Variants in RANBP1 observed in about 807,000 individuals in gnomAD.
The protein encoded by RANBP1 is RAN binding protein 1.
A neutral mutation model predicts 31.4 loss-of-function variants in RANBP1; 16 were observed. That is an observed-to-expected ratio of 0.51 (90% CI 0.34 to 0.77). RANBP1 has a LOEUF of 0.77. Among genes scored for constraint, RANBP1 ranks in the 30% least tolerant of loss-of-function variants. The pLI is 0.01. For missense variants in RANBP1, 265 were observed against 362.0 expected (o/e 0.73, Z 2.17); for synonymous variants, 129 against 140.5 (o/e 0.92, Z 0.58).
In RANBP1 at chr22:20,120,799, A is replaced by G. The variant is rs537383248; in HGVS notation, c.384-1465A>G. The stretch of plus-strand genomic sequence containing the variant: ...AATGCTGGGATTACAGGTGTGAGCC[A>G]CCGCGTCCGGTCATCTAATTCTCTT... On this transcript the variant is annotated intron_variant, in intron 2 of 5. Transcript: ENST00000430524. Among the ~76,000 whole-genome samples, 3 of 151,994 alleles carry G rather than the reference A, an allele frequency of 2.0e-5. No homozygotes were observed. The East Asian group carries it at 5.9e-4, about 30-fold the overall frequency.
intron 5 of RANBP1, 31 bp from the exon 6 acceptor site, chr22:20,126,921 T>C: frequency 1.2e-6 from 2 of 1,605,868 alleles, no homozygotes; most frequent in South Asian, 2.2e-5. Context: ...ACCGTGCTTC[T>C]GTTTTCTCAC....
rs148390445 is a variant in RANBP1, at chr22:20,117,985, C to T, written c.247-1028C>T. 1.8e-4 allele frequency: 182 copies of T among 999,872 alleles called. 2 individuals are homozygous for T. In the East Asian group the frequency reaches 0.017, roughly 94 times the overall value. 61.9% of individuals were successfully genotyped at this position (999,872 alleles called of 1,614,324 possible). A position where few individuals can be genotyped will look rare whatever the true frequency, so the allele number is the denominator to read the frequency against. On this transcript the variant is annotated intron_variant, in intron 1 of 5. Coordinates refer to ENST00000430524, the MANE Select transcript of RANBP1 (RefSeq NM_001278639.2). ...GGAACTGGTGCGGGCGGCGGGTTTCCTCCGGCTCGGCCCACTTGGGGCTCC... is the reference window on the plus strand; with the variant it reads ...GGAACTGGTGCGGGCGGCGGGTTTCTTCCGGCTCGGCCCACTTGGGGCTCC...
At chr22:20,117,661 C>T (rs1266162642) in intron 1 of RANBP1, 1 of 1,061,792 alleles carries the variant, frequency 9.4e-7, no homozygotes. Flanking sequence ...TGGCGGCCGC[C>T]AAGGTGCCGC....
At chr22:20,117,506 T>C (rs1568977408) in intron 1 of RANBP1, 3 of 1,279,408 alleles carry the variant, frequency 2.3e-6, no homozygotes, top group Non-Finnish European at 3.0e-6. Flanking sequence ...GGGGTCGAGG[T>C]TCGGGTCGTG....
At chr22:20,117,565 A>AG in intron 1 of RANBP1, 1 of 1,405,432 alleles carries the variant, frequency 7.1e-7, no homozygotes, top group Non-Finnish European at 9.3e-7. Context: ...CCAGACGCGG[A>AG]GGGAAGGAGC....
chr22:20,125,451 C>A lies in RANBP1; in HGVS notation c.670+15C>A, dbSNP rs368893594. 6.3e-7 allele frequency: 1 copy of A among 1,592,528 alleles called. No homozygotes were observed. Among genetic ancestry groups the A allele is most frequent in the African/African-American group, 1.3e-5 (1 of 74,444 alleles). On this transcript the variant is annotated intron_variant, in intron 4 of 5. Transcript: ENST00000430524. ...GAATGCTGAGAGTGAGCCAAGGGCCCTGGGGACCTGCCTGACTTGGGGCTC... is the reference window on the plus strand; with the variant it reads ...GAATGCTGAGAGTGAGCCAAGGGCCATGGGGACCTGCCTGACTTGGGGCTC...
In RANBP1 at chr22:20,126,321, CAA is replaced by C; in HGVS notation, c.691_692del (p.Lys231ValfsTer2). 2 of 1,613,492 alleles carry C rather than the reference CAA, an allele frequency of 1.2e-6. No individual in the cohort carries two copies. Among genetic ancestry groups the C allele is most frequent in the Non-Finnish European group, 1.7e-6 (2 of 1,179,752 alleles). ...TCCACAGATGCACAGAAATTCAAAA[CAA>C]AGTTTGAAGAATGCAGGAAAGAGAT... On this transcript the variant is annotated frameshift_variant, in exon 5 of 6. Coordinates refer to ENST00000430524, the MANE Select transcript of RANBP1 (RefSeq NM_001278639.2). LOFTEE classifies it high-confidence loss of function.
At chr22:20,125,284 C>T (rs772938266) in intron 3 of RANBP1, 24 bp from the exon 4 acceptor site, 3 of 1,611,398 alleles carry the variant, frequency 1.9e-6, no homozygotes, top group East Asian at 2.2e-5. Flanking sequence ...ATCTCACCAT[C>T]TTCACGAGCT....
chr22:20,118,057 C>A (rs1602530480), intron 1 of RANBP1: 4 of 995,728 alleles, frequency 4.0e-6, no homozygotes, highest in Non-Finnish European at 4.8e-6. Context: ...CGCAGCACTT[C>A]ATTCATTCGG....
At position 20,116,223 on chromosome 22, in the gene RANBP1, T is replaced by TG. The variant is rs747932902; in HGVS notation, c.42dup (p.Arg15AlafsTer72). Reference sequence around the variant, plus strand: ...TGGGCCGGGCCAGGCGCACACTGAGTGGGCGGCCTTTCCAGAGGGCACCAT... The same window carrying TG: ...TGGGCCGGGCCAGGCGCACACTGAGTGGGGCGGCCTTTCCAGAGGGCACCAT... On this transcript the variant is annotated frameshift_variant, in exon 1 of 6. Transcript: ENST00000430524. LOFTEE classifies it high-confidence loss of function. 5.6e-6 allele frequency: 9 copies of TG among 1,612,798 alleles called. No individual in the cohort carries two copies. Among genetic ancestry groups the TG allele is most frequent in the Non-Finnish European group, 7.6e-6 (9 of 1,180,014 alleles).
At chr22:20,122,768 CTG>C (rs2050203871) in intron 3 of RANBP1, 1 of 89,956 alleles carries the variant, frequency 1.1e-5, no homozygotes, top group Non-Finnish European at 1.3e-5. Context: ...TGTGTGGTGT[CTG>C]GGGGGTGGGG....
At chr22:20,116,986 A>G in intron 1 of RANBP1, 1 of 1,496,252 alleles carries the variant, frequency 6.7e-7, no homozygotes, top group Non-Finnish European at 9.1e-7. Context: ...TCACAAGGGA[A>G]GTGGCCTGTC....
chr22:20,127,327 G>C lies in RANBP1; in HGVS notation c.*275G>C, dbSNP rs780170275. The C allele has an allele frequency of 3.4e-6, 1 of 292,264 alleles. No homozygotes were observed. The highest frequency in any genetic ancestry group is 6.6e-6 in the Non-Finnish European group (1 of 152,170). The allele number at this position is 292,264 out of a possible 1,614,324, so 18.1% of individuals were successfully genotyped here. A position where few individuals can be genotyped will look rare whatever the true frequency, so the allele number is the denominator to read the frequency against. ...CACTTATTTATAGTCATCAAAAATA[G>C]TGAATAAAAAACACATTTGGAACCT... On this transcript the variant is annotated 3_prime_UTR_variant, in exon 6 of 6. Transcript: ENST00000430524.
intron 1 of RANBP1, chr22:20,118,190 G>T: frequency 1.0e-6 from 1 of 1,002,194 alleles, no homozygotes; most frequent in Middle Eastern, 3.1e-4. Context: ...GGTTGAGTGC[G>T]GGCCGCTGCA....
chr22:20,119,001 G>C lies in RANBP1; in HGVS notation c.247-12G>C. Reference sequence around the variant, plus strand: ...CATAGGCCAGCAGTGTAACCTCTTTGTATCTCCACAGGACACTCATGAGGA... The same window carrying C: ...CATAGGCCAGCAGTGTAACCTCTTTCTATCTCCACAGGACACTCATGAGGA... On this transcript the variant is annotated splice_polypyrimidine_tract_variant and intron_variant, in intron 1 of 5. Coordinates refer to ENST00000430524, the MANE Select transcript of RANBP1 (RefSeq NM_001278639.2). 1 of 1,610,478 alleles carries C rather than the reference G, an allele frequency of 6.2e-7. No individual in the cohort carries two copies. The highest frequency in any genetic ancestry group is 8.5e-7 in the Non-Finnish European group (1 of 1,179,374).
chr22:20,116,932 C>G (rs755174019), intron 1 of RANBP1: 2 of 1,584,780 alleles, frequency 1.3e-6, no homozygotes, highest in Non-Finnish European at 1.7e-6. Flanking sequence ...CCGCCTAGAC[C>G]AGGGACGCCA....
At chr22:20,126,766 G>A in intron 5 of RANBP1, 186 bp from the exon 6 acceptor site, 1 of 1,351,514 alleles carries the variant, frequency 7.4e-7, no homozygotes, top group South Asian at 1.4e-5. Flanking sequence ...GCATCCACCT[G>A]GCTTCCTTTC....
chr22:20,127,315 T>C lies in RANBP1; in HGVS notation c.*263T>C. ...CCATAGTGGAAACACTTATTTATAG[T>C]CATCAAAAATAGTGAATAAAAAACA... is the stretch of plus-strand genomic sequence containing the variant. On this transcript the variant is annotated 3_prime_UTR_variant, in exon 6 of 6. Transcript: ENST00000430524. The C allele has an allele frequency of 3.3e-6, 1 of 304,876 alleles. No individual in the cohort carries two copies. The highest frequency in any genetic ancestry group is 3.5e-5 in the South Asian group (1 of 28,914). The allele number at this position is 304,876 out of a possible 1,614,324, so 18.9% of individuals were successfully genotyped here.
At chr22:20,119,746 A>G (rs2050135174) in intron 2 of RANBP1, among the ~76,000 whole-genome samples, 1 of 152,144 alleles carries the variant, frequency 6.6e-6, no homozygotes, top group African/African-American at 2.4e-5. Context: ...CGATCTCCTG[A>G]CCTCATGATC....
Sources: allele counts gnomAD v4.1 joint callset (sites outside exome capture counted in the v4.1 genomes callset), GRCh38; gene constraint gnomAD v4.1.1; transcripts MANE v1.5; gene names NCBI Gene and HGNC (gene_info 2026-07-23, HGNC 2026-07-21).